SCLY: variants seen among roughly 807,000 people sequenced by gnomAD.
The protein encoded by SCLY is selenocysteine lyase.
SCLY carries 38 observed loss-of-function variants against 50.1 expected under a neutral mutation model. The ratio of observed to expected loss-of-function variants is 0.76; its 90% confidence interval spans 0.59 to 0.99. The LOEUF (loss-of-function observed/expected upper bound fraction) is 0.99. SCLY is among the 50% of genes least tolerant of loss of function. The probability of loss-of-function intolerance (pLI) is 0.00; values close to 1 mark genes in which losing one functional copy is unlikely to be tolerated. For missense variants in SCLY, 600 were observed against 620.0 expected, an observed-to-expected ratio of 0.97 and a Z score of 0.34; for synonymous variants, 243 against 249.4, an observed-to-expected ratio of 0.97 and a Z score of 0.24.
At chr2:238,085,567 TA>T (rs2065286719) in intron 7 of SCLY, among the ~76,000 whole-genome samples, 1 of 147,650 alleles carries the variant, frequency 6.8e-6, no homozygotes, top group African/African-American at 2.5e-5. Context: ...AAAAAAAAAA[TA>T]CACAAAAAAT....
intron 1 of SCLY, among the ~76,000 whole-genome samples, chr2:238,063,612 G>C (rs982637241): frequency 3.9e-5 from 6 of 152,202 alleles, no homozygotes; most frequent in Non-Finnish European, 8.8e-5. Context: ...GTGGGGGCAG[G>C]GCATGTAGTC....
chr2:238,069,346 A>G lies in SCLY; in HGVS notation c.353A>G (p.Gln118Arg), dbSNP rs780777652. The change falls in exon 4 of 12, where the codon CAG becomes CGG. Residue 118 changes from glutamine (Q) to arginine (R), a missense_variant. Transcript: ENST00000254663. This position sits in a 1 kb window ranked among gnomAD's most constrained non-coding sequence, Gnocchi z 5.0. ...HSVVKHFHAN[Q>R]TSKGHTGGHH... ...GTGGTGAAACATTTCCACGCAAACC[A>G]GACCTCAAAGGGACACACAGGTGGG... The G allele has an allele frequency of 2.5e-6, 4 of 1,614,040 alleles. No individual in the cohort carries two copies. The highest frequency in any genetic ancestry group is 8.5e-7 in the Non-Finnish European group (1 of 1,180,022).
At chr2:238,088,785 T>C (rs920533340) in intron 7 of SCLY, among the ~76,000 whole-genome samples, 19 of 152,190 alleles carry the variant, frequency 1.2e-4, no homozygotes, top group African/African-American at 4.3e-4. Flanking sequence ...AAAAAGAACA[T>C]CTACATAAAA....
chr2:238,098,580 ACCGCCC>A lies in SCLY; in HGVS notation c.*226_*231del, dbSNP rs1269051781. ...CGCCGCATAGGACTGCCCACATGGG[ACCGCCC>A]ACATAGGACCGCCCACATAGGACCG... On this transcript the variant is annotated 3_prime_UTR_variant, in exon 12 of 12. Transcript: ENST00000254663. The A allele has an allele frequency of 9.5e-3, 3,991 of 420,442 alleles. 273 individuals carry two copies. The highest frequency in any genetic ancestry group is 0.016 in the Middle Eastern group (24 of 1,542). 26.0% of individuals were successfully genotyped at this position (420,442 alleles called of 1,614,324 possible). A position where few individuals can be genotyped will look rare whatever the true frequency, so the allele number is the denominator to read the frequency against.
In SCLY at chr2:238,077,437, C is replaced by T. The variant is rs76952344; in HGVS notation, c.485-4272C>T. On this transcript the variant is annotated intron_variant, in intron 4 of 11. Coordinates refer to ENST00000254663, the MANE Select transcript of SCLY (RefSeq NM_016510.7). ...TTGTGGCTATAAGATTAATGATAGC[C>T]GTAAGGCCCATGCAAACATCTTGCA... Among the ~76,000 whole-genome samples the T allele has an allele frequency of 6.1e-3, 928 of 152,236 alleles. 18 individuals carry two copies. Among genetic ancestry groups the T allele is most frequent in the African/African-American group, 0.021 (866 of 41,546 alleles).
At position 238,094,538 on chromosome 2, in the gene SCLY, C is replaced by T; in HGVS notation, c.1108+16C>T. 1 of 1,597,594 alleles carries T rather than the reference C, an allele frequency of 6.3e-7. No homozygotes were observed. The highest frequency in any genetic ancestry group is 8.6e-7 in the Non-Finnish European group (1 of 1,164,990). The stretch of plus-strand genomic sequence containing the variant: ...CGGCTTCAAGGTGATGGCCCCTCAC[C>T]CTGGTCTTTCCGAGTGTGAGCACAG... On this transcript the variant is annotated intron_variant, in intron 10 of 11. Coordinates refer to ENST00000254663, the MANE Select transcript of SCLY (RefSeq NM_016510.7).
At chr2:238,089,564 T>C (rs1170228807) in intron 7 of SCLY, among the ~76,000 whole-genome samples, 1 of 151,958 alleles carries the variant, frequency 6.6e-6, no homozygotes, top group Non-Finnish European at 1.5e-5. Context: ...GCCTGCAGGC[T>C]GCATGCGGCC....
At chr2:238,065,660 T>TTTTTTATTATTATTATTATTA (rs71402758) in intron 2 of SCLY, among the ~76,000 whole-genome samples, 90 of 143,506 alleles carry the variant, frequency 6.3e-4, no homozygotes, top group Admixed American at 1.2e-3. Context: ...AATATTTTAT[T>TTTTTTATTATTATTATTATTA]TTATTATTAT....
intron 8 of SCLY, 99 bp from the exon 9 acceptor site, chr2:238,093,762 G>T: frequency 9.2e-7 from 1 of 1,081,818 alleles, no homozygotes; most frequent in South Asian, 1.4e-5. Context: ...TCAGGAGAAT[G>T]AGCAGTTTCA....
intron 7 of SCLY, among the ~76,000 whole-genome samples, chr2:238,085,991 A>G (rs903128171): frequency 6.6e-6 from 1 of 152,258 alleles, no homozygotes; most frequent in Non-Finnish European, 1.5e-5. Flanking sequence ...AATGAAAGAC[A>G]GAATTCTCTA....
chr2:238,082,180 G>A lies in SCLY; in HGVS notation c.748G>A (p.Val250Met), dbSNP rs138193153. 66 of 1,610,876 alleles carry A rather than the reference G, an allele frequency of 4.1e-5. No individual in the cohort carries two copies. In the Middle Eastern group the frequency reaches 6.6e-4, roughly 16 times the overall value. ...KQRVDVEDLG[V>M]DFLTIVGHKF... Reference sequence around the variant, plus strand: ...GCGCGTGGATGTGGAGGACCTGGGCGTGGACTTCCTTACAATCGTGGGGCA... The same window carrying A: ...GCGCGTGGATGTGGAGGACCTGGGCATGGACTTCCTTACAATCGTGGGGCA... Residue 250 changes from valine to methionine, a missense_variant, in exon 6 of 12, where the codon GTG (valine) becomes ATG (methionine). By Grantham distance (21) the Val-to-Met change is conservative. Coordinates refer to ENST00000254663, the MANE Select transcript of SCLY (RefSeq NM_016510.7).
intron 2 of SCLY, among the ~76,000 whole-genome samples, chr2:238,065,953 G>A (rs1360588094): frequency 6.6e-6 from 1 of 152,076 alleles, no homozygotes; most frequent in African/African-American, 2.4e-5. Flanking sequence ...GATTACAGGT[G>A]TGAGCCACCA....
intron 4 of SCLY, among the ~76,000 whole-genome samples, chr2:238,075,160 T>C (rs556104385): frequency 7.2e-5 from 11 of 152,282 alleles, no homozygotes; most frequent in African/African-American, 2.6e-4. Flanking sequence ...ATTGAGATGA[T>C]CATTTATTGA....
At chr2:238,077,842 G>A (rs2065189033) in intron 4 of SCLY, among the ~76,000 whole-genome samples, 1 of 151,960 alleles carries the variant, frequency 6.6e-6, no homozygotes, top group African/African-American at 2.4e-5. Flanking sequence ...CAGCATCTAA[G>A]ACTTATCTTT....
intron 4 of SCLY, among the ~76,000 whole-genome samples, chr2:238,070,010 G>T (rs914866637): frequency 6.6e-6 from 1 of 152,242 alleles, no homozygotes; most frequent in East Asian, 1.9e-4. Flanking sequence ...ATGACGCGAG[G>T]CCTCCTGCTA....
chr2:238,091,648 G>T, intron 8 of SCLY: 1 of 215,440 alleles, frequency 4.6e-6, no homozygotes, highest in Non-Finnish European at 9.5e-6. Context: ...CCCTCCACTG[G>T]GGCCTGTCCT....
rs1574721129 is a variant in SCLY at position 238,098,579 on chromosome 2, G to GACCGCCCACATGGGACCGCCCACATGGGA, written c.*235_*236insGGGACCGCCCACATGGGAACCGCCCACAT. The GACCGCCCACATGGGACCGCCCACATGGGA allele has an allele frequency of 2.5e-6, 1 of 394,308 alleles. No homozygotes were observed. The highest frequency in any genetic ancestry group is 4.2e-6 in the Non-Finnish European group (1 of 236,072). 24.4% of individuals were successfully genotyped at this position (394,308 alleles called of 1,614,324 possible). On this transcript the variant is annotated 3_prime_UTR_variant, in exon 12 of 12. Coordinates refer to ENST00000254663, the MANE Select transcript of SCLY (RefSeq NM_016510.7). ...ACGCCGCATAGGACTGCCCACATGG[G>GACCGCCCACATGGGACCGCCCACATGGGA]ACCGCCCACATAGGACCGCCCACAT... is the stretch of plus-strand genomic sequence containing the variant.
intron 8 of SCLY, chr2:238,091,550 CATT>C: frequency 8.6e-5 from 35 of 408,592 alleles, no homozygotes; most frequent in South Asian, 2.0e-4. Flanking sequence ...GCAGGTTCAC[CATT>C]CCCAAAGGCG....
At chr2:238,065,496 T>C (rs1559241129) in intron 2 of SCLY, among the ~76,000 whole-genome samples, 1 of 152,188 alleles carries the variant, frequency 6.6e-6, no homozygotes, top group Admixed American at 6.5e-5. Context: ...GCTTTTAGGT[T>C]TCCTTGATAG....
Sources: gnomAD v4.1 joint callset for allele counts (sites outside exome capture counted in the v4.1 genomes callset) on GRCh38, gnomAD v4.1.1 for gene constraint, Gnocchi (gnomAD v3.1) non-coding constraint, MANE v1.5 for transcripts, NCBI Gene and HGNC (gene_info 2026-07-23, HGNC 2026-07-21) for gene names.